Variants in EYS observed in about 807,000 individuals in gnomAD.
EYS encodes EGF-like photoreceptor maintenance factor.
Under a neutral mutation model 282.1 loss-of-function variants are expected in EYS, and 250 were observed. The ratio of observed to expected loss-of-function variants is 0.89; its 90% CI spans 0.80 to 0.98. The LOEUF is 0.98. EYS is among the 50% of genes least tolerant of loss of function. The probability of loss-of-function intolerance (pLI) is 0.00; values close to 1 mark genes in which losing one functional copy is unlikely to be tolerated. For missense variants in EYS, 4,016 were observed against 3,709.0 expected (o/e 1.08, Z -2.15); for synonymous variants, 1,355 against 1,282.9 (o/e 1.06, Z -1.20).
chr6:65,422,025 TAGAAA>T (rs1312093710), intron 5 of EYS, among the ~76,000 whole-genome samples: 1 of 151,898 alleles, frequency 6.6e-6, no homozygotes, highest in African/African-American at 2.4e-5. Context: ...CACATGGTGT[TAGAAA>T]AACTGGTGCT....
At chr6:64,734,721 C>T (rs1337290717) in intron 22 of EYS, among the ~76,000 whole-genome samples, 2 of 152,102 alleles carry the variant, frequency 1.3e-5, no homozygotes, top group South Asian at 2.1e-4. Flanking sequence ...CATGTGTCCA[C>T]ATGGGGAAGA....
chr6:65,153,069 T>C (rs1294889465), intron 12 of EYS, among the ~76,000 whole-genome samples: 1 of 151,802 alleles, frequency 6.6e-6, no homozygotes, highest in Non-Finnish European at 1.5e-5. Context: ...ACAGGACCTG[T>C]TACTGGCTTT....
At chr6:64,979,273 A>G (rs1197750919) in intron 14 of EYS, among the ~76,000 whole-genome samples, 1 of 151,790 alleles carries the variant, frequency 6.6e-6, no homozygotes, top group African/African-American at 2.4e-5. Context: ...TTATGAAGTA[A>G]CCAATGCGAA....
intron 2 of EYS, among the ~76,000 whole-genome samples, chr6:65,638,491 C>T (rs956030476): frequency 5.9e-5 from 9 of 152,212 alleles, no homozygotes; most frequent in African/African-American, 1.9e-4. Flanking sequence ...CTCCCCGAGC[C>T]AGGGCCGTGA....
rs76007543 is a variant in EYS, at chr6:65,377,933, G to C, written c.1299+6453C>G. 4.2e-3 allele frequency among the ~76,000 whole-genome samples: 638 copies of C among 152,162 alleles called. 10 individuals carry two copies. Among genetic ancestry groups the C allele is most frequent in the African/African-American group, 0.015 (605 of 41,510 alleles). ...ATTAATACCCTACCAACCAAAAAAA[G>C]CCAAGGACCAGACGAATTCACAGCT... On this transcript the variant is annotated intron_variant, in intron 8 of 42. Transcript: ENST00000503581.
At chr6:64,324,747 T>C (rs996551470) in intron 29 of EYS, among the ~76,000 whole-genome samples, 9 of 152,348 alleles carry the variant, frequency 5.9e-5, no homozygotes, top group African/African-American at 2.2e-4. Flanking sequence ...CTACTGGACC[T>C]GATACATAAT....
intron 12 of EYS, among the ~76,000 whole-genome samples, chr6:65,183,776 G>T (rs893133647): frequency 3.3e-5 from 5 of 151,740 alleles, no homozygotes; most frequent in Non-Finnish European, 7.4e-5. Context: ...GAAAAAAATA[G>T]GAAGATTAGG....
chr6:64,704,782 G>C (rs1489466270), intron 22 of EYS, among the ~76,000 whole-genome samples: 1 of 151,862 alleles, frequency 6.6e-6, no homozygotes, highest in African/African-American at 2.4e-5. Context: ...AACCTGGGCA[G>C]GTCTTACGAC....
rs547041170 is a variant in EYS, at chr6:63,956,867, T to G, written c.7055+27516A>C. Among the ~76,000 whole-genome samples, 20 of 152,332 alleles carry G rather than the reference T, an allele frequency of 1.3e-4. No homozygotes were observed. In the East Asian group the frequency reaches 3.9e-3, roughly 29 times the overall value. ...GTGTGACTAAAATTTTTTTTTGGCT[T>G]TTAGCCTTACAACAGTGGTCTCCAA... is the stretch of plus-strand genomic sequence containing the variant. On this transcript the variant is annotated intron_variant, in intron 35 of 42. Transcript: ENST00000503581.
intron 36 of EYS, among the ~76,000 whole-genome samples, chr6:63,838,078 G>A (rs867294933): frequency 6.6e-6 from 1 of 152,088 alleles, no homozygotes; most frequent in Middle Eastern, 3.4e-3. Context: ...ATAGGAAGTG[G>A]TTCATCATAT....
At chr6:65,409,211 T>C (rs952657426) in intron 5 of EYS, among the ~76,000 whole-genome samples, 1 of 152,180 alleles carries the variant, frequency 6.6e-6, no homozygotes, top group African/African-American at 2.4e-5. Context: ...CTCTTTAAAC[T>C]TGATTTCCTA....
At chr6:64,847,820 T>G (rs1765761567) in intron 19 of EYS, among the ~76,000 whole-genome samples, 1 of 152,080 alleles carries the variant, frequency 6.6e-6, no homozygotes, top group African/African-American at 2.4e-5. Flanking sequence ...CTTTGATTCT[T>G]GTTTACCTTC....
intron 5 of EYS, among the ~76,000 whole-genome samples, chr6:65,428,041 T>C (rs976714559): frequency 2.6e-5 from 4 of 152,088 alleles, no homozygotes; most frequent in Non-Finnish European, 5.9e-5. Context: ...TGAAATTTGA[T>C]GTTCAACTTA....
chr6:64,826,981 CA>C (rs1319238299), intron 19 of EYS, among the ~76,000 whole-genome samples: 1 of 151,662 alleles, frequency 6.6e-6, no homozygotes, highest in African/African-American at 2.4e-5. Flanking sequence ...CTGATATTAT[CA>C]AATACTCTCA....
Position 64,160,083 on chromosome 6 carries a change from A to T in EYS, c.6424+70509T>A, listed in dbSNP as rs778159544. The stretch of plus-strand genomic sequence containing the variant: ...CCGAGTTGCCACCCCAATGATCTAA[A>T]CACCTCTTGTCTGGCTTTTGCAGGT... On this transcript the variant is annotated intron_variant, in intron 31 of 42. Coordinates refer to ENST00000503581, the MANE Select transcript of EYS (RefSeq NM_001142800.2). Among the ~76,000 whole-genome samples the T allele has an allele frequency of 2.6e-5, 4 of 152,158 alleles. No individual in the cohort carries two copies. In the South Asian group the frequency reaches 8.3e-4, roughly 32 times the overall value.
chr6:64,654,972 T>G (rs1239534923), intron 22 of EYS, among the ~76,000 whole-genome samples: 1 of 152,174 alleles, frequency 6.6e-6, no homozygotes, highest in Admixed American at 6.6e-5. Flanking sequence ...CCTCTTTAAC[T>G]TGCACTGGAA....
intron 31 of EYS, among the ~76,000 whole-genome samples, chr6:64,147,920 C>G (rs1582341210): frequency 6.6e-6 from 1 of 152,134 alleles, no homozygotes; most frequent in East Asian, 1.9e-4. Context: ...TTTGTTTTGT[C>G]AAGCCAGTGA....
At chr6:63,764,813 T>C (rs1769743627) in intron 40 of EYS, among the ~76,000 whole-genome samples, 1 of 151,872 alleles carries the variant, frequency 6.6e-6, no homozygotes, top group African/African-American at 2.4e-5. Flanking sequence ...TCTGAAACAA[T>C]TAGCTATATG....
chr6:64,165,217 A>G (rs1764253406), intron 31 of EYS, among the ~76,000 whole-genome samples: 1 of 152,116 alleles, frequency 6.6e-6, no homozygotes, highest in Admixed American at 6.6e-5. Context: ...TTTAAAAGAA[A>G]TTTGTGCTAC....
Sources: gnomAD v4.1 joint callset for allele counts (sites outside exome capture counted in the v4.1 genomes callset) on GRCh38, gnomAD v4.1.1 for gene constraint, MANE v1.5 for transcripts, NCBI Gene and HGNC (gene_info 2026-07-23, HGNC 2026-07-21) for gene names.